The following CNGB3 variants were observed in gnomAD, a reference collection of about 807,000 sequenced individuals.
The protein encoded by CNGB3 is cyclic nucleotide-gated channel beta-3.
CNGB3 carries 86 observed loss-of-function variants against 92.8 expected under a neutral mutation model. The observed-to-expected ratio is 0.93, with a 90% confidence interval of 0.78 to 1.11. CNGB3 has a LOEUF of 1.11. Ranked by LOEUF, CNGB3 falls within the 50% of genes least tolerant of loss-of-function variation. The probability of loss-of-function intolerance (pLI) is 0.00; values close to 1 mark genes in which losing one functional copy is unlikely to be tolerated. For missense variants in CNGB3, 1,026 were observed against 956.8 expected (o/e 1.07, Z -0.95); for synonymous variants, 333 against 332.7 (o/e 1.00, Z -0.01).
chr8:86,629,856 C>A (rs1423034435), intron 11 of CNGB3, among the ~76,000 whole-genome samples: 1 of 152,134 alleles, frequency 6.6e-6, no homozygotes, highest in Non-Finnish European at 1.5e-5. Flanking sequence ...AGATATATAG[C>A]TCGACTCTTC....
intron 3 of CNGB3, among the ~76,000 whole-genome samples, chr8:86,718,276 T>G (rs540714752): frequency 1.3e-5 from 2 of 152,080 alleles, no homozygotes; most frequent in Non-Finnish European, 2.9e-5. Flanking sequence ...ATTAGTGAGA[T>G]GAACCAAGAA....
chr8:86,693,987 C>T (rs1231824134), intron 3 of CNGB3, among the ~76,000 whole-genome samples: 7 of 151,944 alleles, frequency 4.6e-5, no homozygotes, highest in African/African-American at 2.4e-5. Flanking sequence ...GGGTGGTGGC[C>T]GGGCAGAGGG....
intron 15 of CNGB3, among the ~76,000 whole-genome samples, chr8:86,591,112 T>C (rs1000620480): frequency 2.6e-5 from 4 of 151,850 alleles, no homozygotes; most frequent in Non-Finnish European, 4.4e-5. Context: ...GCTGATACCC[T>C]TTCTTCCAGT....
chr8:86,594,881 G>GTA (rs1485928078), intron 15 of CNGB3, among the ~76,000 whole-genome samples: 3 of 151,886 alleles, frequency 2.0e-5, no homozygotes, highest in Non-Finnish European at 4.4e-5. Flanking sequence ...GCTAATTTTT[G>GTA]TATATATATA....
chr8:86,627,383 G>A (rs960005653), intron 12 of CNGB3, among the ~76,000 whole-genome samples: 1 of 152,068 alleles, frequency 6.6e-6, no homozygotes, highest in Non-Finnish European at 1.5e-5. Context: ...CTAGAGAGAG[G>A]CATGTTGTTT....
intron 2 of CNGB3, among the ~76,000 whole-genome samples, chr8:86,732,376 G>A (rs923599573): frequency 5.3e-5 from 8 of 152,166 alleles, no homozygotes; most frequent in African/African-American, 1.4e-4. Context: ...TGGGGAAAAC[G>A]GTTGTTATCT....
At chr8:86,663,964 C>G (rs944926307) in intron 6 of CNGB3, among the ~76,000 whole-genome samples, 2 of 152,140 alleles carry the variant, frequency 1.3e-5, no homozygotes, top group African/African-American at 4.8e-5. Flanking sequence ...CTGATTTTGT[C>G]ATTTTCCATT....
chr8:86,653,007 G>T (rs1459010067), intron 7 of CNGB3, among the ~76,000 whole-genome samples: 3 of 152,034 alleles, frequency 2.0e-5, no homozygotes, highest in African/African-American at 7.2e-5. Context: ...CTGCAAACAG[G>T]TGAATAACAC....
At chr8:86,688,507 C>G (rs931020966) in intron 3 of CNGB3, among the ~76,000 whole-genome samples, 21 of 152,014 alleles carry the variant, frequency 1.4e-4, no homozygotes, top group African/African-American at 4.8e-4. Context: ...AAGTAGGAAA[C>G]AGAATACCAC....
chr8:86,682,314 A>T (rs1480838494), intron 3 of CNGB3, among the ~76,000 whole-genome samples: 1 of 152,170 alleles, frequency 6.6e-6, no homozygotes, highest in African/African-American at 2.4e-5. Context: ...AGAGAAAAAT[A>T]AGTCCTGATT....
Position 86,611,669 on chromosome 8 carries a change from A to G in CNGB3, c.1581T>C (p.Gly527=). The change falls in exon 14 of 18, where the codon GGT becomes GGC. Residue 527 remains glycine, a splice_region_variant and synonymous_variant. Transcript: ENST00000320005. ...TGTCATAAATCATCTGTGTATCACA[A>G]CCCTATATAAAAAGAAAAATAATTC... ...SIISKVDLFK[G]CDTQMIYDML... is the part of the protein sequence containing the mutation. 2 of 1,606,390 alleles carry G rather than the reference A, an allele frequency of 1.2e-6. No individual in the cohort carries two copies. The highest frequency in any genetic ancestry group is 8.5e-7 in the Non-Finnish European group (1 of 1,173,380).
chr8:86,729,696 C>G (rs1442992947), intron 2 of CNGB3, among the ~76,000 whole-genome samples: 1 of 152,212 alleles, frequency 6.6e-6, no homozygotes, highest in African/African-American at 2.4e-5. Context: ...GTGTGGGTGT[C>G]TTTTTATCCA....
chr8:86,667,484 T>G (rs1237034457), intron 5 of CNGB3, among the ~76,000 whole-genome samples: 1 of 152,164 alleles, frequency 6.6e-6, no homozygotes, highest in African/African-American at 2.4e-5. Context: ...CAGCCACAGA[T>G]CTTTAGTTCC....
At chr8:86,714,271 T>C (rs920324145) in intron 3 of CNGB3, among the ~76,000 whole-genome samples, 1 of 152,202 alleles carries the variant, frequency 6.6e-6, no homozygotes, top group Non-Finnish European at 1.5e-5. Flanking sequence ...TCATAGAGTG[T>C]GTACAGTGCG....
chr8:86,676,245 G>A (rs1172118602), intron 3 of CNGB3, among the ~76,000 whole-genome samples: 1 of 152,130 alleles, frequency 6.6e-6, no homozygotes, highest in Non-Finnish European at 1.5e-5. Context: ...TGATGAGCAT[G>A]GTAACATGAG....
intron 3 of CNGB3, among the ~76,000 whole-genome samples, chr8:86,680,558 A>G (rs1287090573): frequency 1.3e-5 from 2 of 152,162 alleles, no homozygotes; most frequent in East Asian, 3.9e-4. Context: ...CCAAACCTGC[A>G]TTCAGTTGAT....
At chr8:86,606,204 C>T (rs1822409966) in intron 14 of CNGB3, among the ~76,000 whole-genome samples, 2 of 135,342 alleles carry the variant, frequency 1.5e-5, no homozygotes, top group Non-Finnish European at 1.5e-5. Context: ...GGCTAGAGTG[C>T]AGTGGGCATG....
intron 3 of CNGB3, among the ~76,000 whole-genome samples, chr8:86,709,868 G>C (rs1824719986): frequency 6.6e-6 from 1 of 152,082 alleles, no homozygotes; most frequent in Non-Finnish European, 1.5e-5. Flanking sequence ...TAAAAAATAT[G>C]TATATGTTTT....
intron 3 of CNGB3, among the ~76,000 whole-genome samples, chr8:86,678,112 G>A (rs993823137): frequency 6.6e-6 from 1 of 152,050 alleles, no homozygotes; most frequent in African/African-American, 2.4e-5. Flanking sequence ...GTTTTTAGGG[G>A]AGAAAGGAGC....
Sources: gnomAD v4.1 joint callset for allele counts (sites outside exome capture counted in the v4.1 genomes callset) on GRCh38, gnomAD v4.1.1 for gene constraint, MANE v1.5 for transcripts, NCBI Gene and HGNC (gene_info 2026-07-23, HGNC 2026-07-21) for gene names.